The following NME5 variants were observed in gnomAD, a reference collection of about 807,000 sequenced individuals.
The protein encoded by NME5 is NME/NM23 family member 5.
Under a neutral mutation model 21.6 loss-of-function variants are expected in NME5, and 18 were observed. That is an observed-to-expected ratio of 0.83 (90% CI 0.58 to 1.24). The LOEUF is 1.24. Among genes scored for constraint, NME5 ranks in the 50% most tolerant of loss-of-function variants. The probability of loss-of-function intolerance (pLI) is 0.00; values close to 1 mark genes in which losing one functional copy is unlikely to be tolerated. For missense variants in NME5, 223 were observed against 255.4 expected (o/e 0.87, Z 0.86); for synonymous variants, 70 against 80.6 (o/e 0.87, Z 0.71).
intron 4 of NME5, among the ~76,000 whole-genome samples, chr5:138,120,181 C>T (rs1242368802): frequency 3.3e-5 from 5 of 151,470 alleles, no homozygotes; most frequent in African/African-American, 1.2e-4. Context: ...CCTCCCACCT[C>T]AGCCTCCTGA....
intron 2 of NME5, among the ~76,000 whole-genome samples, chr5:138,132,192 T>A (rs1751586012): frequency 6.6e-6 from 1 of 152,094 alleles, no homozygotes; most frequent in Non-Finnish European, 1.5e-5. Flanking sequence ...AAACCCCGTC[T>A]CTACAAAAAA....
At chr5:138,126,307 C>T (rs906736759) in intron 4 of NME5, among the ~76,000 whole-genome samples, 4 of 151,652 alleles carry the variant, frequency 2.6e-5, no homozygotes, top group African/African-American at 7.3e-5. Flanking sequence ...CCCAAGAGTT[C>T]GAGACTGGCC....
chr5:138,120,652 C>T (rs1209507250), intron 4 of NME5, among the ~76,000 whole-genome samples: 2 of 152,144 alleles, frequency 1.3e-5, no homozygotes, highest in Admixed American at 6.6e-5. Context: ...TTTAAGAAGT[C>T]TTTGTCCAAC....
In NME5 at chr5:138,133,307, C is replaced by T. The variant is rs543099980; in HGVS notation, c.130-3839G>A. 6.6e-5 allele frequency among the ~76,000 whole-genome samples: 10 copies of T among 151,954 alleles called. No individual in the cohort carries two copies. The East Asian group carries it at 1.7e-3, about 27-fold the overall frequency. ...ATTTTTAGTAGAGACGGGGTTTCAC[C>T]GTGTTAGCCAGGATGGTCTTGATCT... On this transcript the variant is annotated intron_variant, in intron 2 of 5. Coordinates refer to ENST00000265191, the MANE Select transcript of NME5 (RefSeq NM_003551.3).
intron 2 of NME5, 91 bp from the exon 3 acceptor site, chr5:138,129,559 T>C (rs1472734340): frequency 1.2e-6 from 1 of 810,106 alleles, no homozygotes; most frequent in East Asian, 2.6e-5. Flanking sequence ...CTAGTACCAA[T>C]CTGATTATAA....
chr5:138,130,020 TTAAAG>T (rs1751525210), intron 2 of NME5, among the ~76,000 whole-genome samples: 1 of 152,216 alleles, frequency 6.6e-6, no homozygotes, highest in African/African-American at 2.4e-5. Flanking sequence ...CATCTCCTTC[TTAAAG>T]TAAATAACAC....
rs2151165378 is a variant in NME5, at chr5:138,129,376, C to A, written c.222G>T (p.Met74Ile). The change falls in exon 3 of 6, where the codon ATG becomes ATT. Residue 74 changes from methionine to isoleucine, a missense_variant. Coordinates refer to ENST00000265191, the MANE Select transcript of NME5 (RefSeq NM_003551.3). Reference sequence around the variant, plus strand: ...TCATGGCGACAAGTGGTCCAGAACTCATGTAAGCTGTTAAGTTGGGGAAAA... The same window carrying A: ...TCATGGCGACAAGTGGTCCAGAACTAATGTAAGCTGTTAAGTTGGGGAAAA... ...KMFFPNLTAY[M>I]SSGPLVAMIL... 1 of 1,613,952 alleles carries A rather than the reference C, an allele frequency of 6.2e-7. No individual in the cohort carries two copies. Among genetic ancestry groups the A allele is most frequent in the East Asian group, 2.2e-5 (1 of 44,878 alleles).
At position 138,118,157 on chromosome 5, in the gene NME5, G is replaced by A. The variant is rs188455021; in HGVS notation, c.555+661C>T. Reference sequence around the variant, plus strand: ...TATTTATTTTTTGAGATGGAGTCTCGCTCTGTTGCCCAGGCTGGAGTGCAG... The same window carrying A: ...TATTTATTTTTTGAGATGGAGTCTCACTCTGTTGCCCAGGCTGGAGTGCAG... On this transcript the variant is annotated intron_variant, in intron 5 of 5. Coordinates refer to ENST00000265191, the MANE Select transcript of NME5 (RefSeq NM_003551.3). Among the ~76,000 whole-genome samples the A allele has an allele frequency of 3.4e-3, 513 of 151,586 alleles. 3 individuals are homozygous for A. Among genetic ancestry groups the A allele is most frequent in the African/African-American group, 0.012 (488 of 41,314 alleles).
chr5:138,122,164 C>T (rs186725736), intron 4 of NME5, among the ~76,000 whole-genome samples: 1,523 of 151,964 alleles, frequency 0.01, 20 homozygotes, highest in Non-Finnish European at 0.016. Flanking sequence ...TATGGCCGGG[C>T]GTGGTGGCTC....
At chr5:138,117,767 G>A (rs1581374452) in intron 5 of NME5, among the ~76,000 whole-genome samples, 1 of 152,100 alleles carries the variant, frequency 6.6e-6, no homozygotes, top group Non-Finnish European at 1.5e-5. Flanking sequence ...TGGATCACCT[G>A]AGGTCAGGAG....
Position 138,118,897 on chromosome 5 carries a change from T to C in NME5, c.476A>G (p.Asp159Gly). The change falls in exon 5 of 6, where the codon GAC becomes GGC. Residue 159 changes from aspartate (D) to glycine (G), a missense_variant. By Grantham distance (94) the Asp-to-Gly change is moderately conservative. Coordinates refer to ENST00000265191, the MANE Select transcript of NME5 (RefSeq NM_003551.3). ...TGGCATTATATGTAAATTTAAATAGTCCTTAGCAGCTTGTCCAATTGGAAT... is the reference window on the plus strand; with the variant it reads ...TGGCATTATATGTAAATTTAAATAGCCCTTAGCAGCTTGTCCAATTGGAAT... Reference protein sequence around the residue: ...EPIPIGQAAKDYLNLHIMPTL... With the variant: ...EPIPIGQAAKGYLNLHIMPTL... 1 of 1,613,324 alleles carries C rather than the reference T, an allele frequency of 6.2e-7. No individual in the cohort carries two copies. Among genetic ancestry groups the C allele is most frequent in the East Asian group, 2.2e-5 (1 of 44,866 alleles).
At chr5:138,128,742 A>T (rs1751491322) in intron 3 of NME5, 163 bp from the exon 4 acceptor site, 1 of 527,614 alleles carries the variant, frequency 1.9e-6, no homozygotes, top group Non-Finnish European at 3.3e-6. Context: ...TTATCTATCT[A>T]GATAAGGATC....
At position 138,128,540 on chromosome 5, in the gene NME5, T is replaced by C; in HGVS notation, c.375A>G (p.Ala125=). 6.2e-7 allele frequency: 1 copy of C among 1,612,908 alleles called. No individual in the cohort carries two copies. Reference sequence around the variant, plus strand: ...CAGCAAAGTCATTACTCCCATGAAGTGCATTCCTTAGGTCATCTGTGCCAT... The same window carrying C: ...CAGCAAAGTCATTACTCCCATGAAGCGCATTCCTTAGGTCATCTGTGCCAT... ...AIYGTDDLRN[A]LHGSNDFAAA... The change falls in exon 4 of 6, where the codon GCA becomes GCG. Residue 125 remains alanine (A), a synonymous_variant. Coordinates refer to ENST00000265191, the MANE Select transcript of NME5 (RefSeq NM_003551.3).
rs767424536 is a variant in NME5 at position 138,119,642 on chromosome 5, T to TTTTTC, written c.437-711_437-707dup. Among the ~76,000 whole-genome samples the TTTTTC allele has an allele frequency of 1.1e-3, 162 of 147,706 alleles. 1 individual carries two copies. The highest frequency in any genetic ancestry group is 1.8e-3 in the Non-Finnish European group (123 of 66,990). On this transcript the variant is annotated intron_variant, in intron 4 of 5. Transcript: ENST00000265191. ...GAGCCACTGCAACCAGCCTGTTTTC[T>TTTTTC]TTTTCTTTTCTTTTCTTTATTTTTT...
intron 4 of NME5, among the ~76,000 whole-genome samples, chr5:138,122,629 G>T (rs974426069): frequency 6.6e-6 from 1 of 150,666 alleles, no homozygotes; most frequent in African/African-American, 2.4e-5. Context: ...ATTATATAAA[G>T]TTCATTATGC....
intron 4 of NME5, among the ~76,000 whole-genome samples, chr5:138,126,533 A>AAG (rs1324539803): frequency 1.3e-5 from 2 of 149,022 alleles, no homozygotes; most frequent in Non-Finnish European, 3.0e-5. Flanking sequence ...AAAAAAAAAA[A>AAG]AAAGAAAGAA....
At chr5:138,131,557 A>G (rs1226950909) in intron 2 of NME5, among the ~76,000 whole-genome samples, 1 of 151,972 alleles carries the variant, frequency 6.6e-6, no homozygotes, top group African/African-American at 2.4e-5. Flanking sequence ...TCTGTCTAAA[A>G]AAAAAAAAAA....
intron 4 of NME5, among the ~76,000 whole-genome samples, chr5:138,119,527 G>A (rs1206320121): frequency 2.6e-5 from 4 of 152,104 alleles, no homozygotes; most frequent in Non-Finnish European, 5.9e-5. Flanking sequence ...TAGAGATGGG[G>A]TTTCACCATG....
At chr5:138,122,748 G>A (rs1234088186) in intron 4 of NME5, among the ~76,000 whole-genome samples, 1 of 150,730 alleles carries the variant, frequency 6.6e-6, no homozygotes, top group Admixed American at 6.6e-5. Flanking sequence ...TGCGATCTCG[G>A]TTCACTGCAA....
Sources: gnomAD v4.1 joint callset for allele counts (sites outside exome capture counted in the v4.1 genomes callset) on GRCh38, gnomAD v4.1.1 for gene constraint, MANE v1.5 for transcripts, NCBI Gene and HGNC (gene_info 2026-07-23, HGNC 2026-07-21) for gene names.